CDCA5: variants seen among roughly 807,000 people sequenced by gnomAD.
The protein encoded by CDCA5 is sororin.
Under a neutral mutation model 25.7 loss-of-function variants are expected in CDCA5, and 14 were observed. The ratio of observed to expected loss-of-function variants is 0.54; its 90% CI spans 0.36 to 0.85. The LOEUF (loss-of-function observed/expected upper bound fraction) is 0.85, where lower values mean the gene tolerates loss of function less well. CDCA5 is among the 40% of genes least tolerant of loss of function. The pLI is 0.01. For synonymous variants in CDCA5, 127 were observed against 128.7 expected, an observed-to-expected ratio of 0.99 and a Z score of 0.09; for missense variants, 307 against 324.5, an observed-to-expected ratio of 0.95 and a Z score of 0.41.
chr11:65,065,414 A>G (rs1051642468), downstream of CDCA5, among the ~76,000 whole-genome samples: 19 of 152,030 alleles, frequency 1.2e-4, no homozygotes, highest in African/African-American at 4.1e-4. Context: ...CAGCCTCCCA[A>G]GTAGCTGGGA....
Position 65,078,236 on chromosome 11 carries a change from G to C in CDCA5, c.*871C>G. On this transcript the variant is annotated 3_prime_UTR_variant, in exon 6 of 6. Coordinates refer to ENST00000275517, the MANE Select transcript of CDCA5 (RefSeq NM_080668.4). ...ACTTATTTTGTAAGAAATGGGTATG[G>C]GTGACAAGAGGGGCCACCTTCCACC... The C allele has an allele frequency of 7.1e-6, 7 of 985,408 alleles. No homozygotes were observed. Among genetic ancestry groups the C allele is most frequent in the Non-Finnish European group, 8.4e-6 (7 of 829,978 alleles). 61.0% of individuals were successfully genotyped at this position (985,408 alleles called of 1,614,324 possible).
At chr11:65,080,437 C>T (rs1349215796) in intron 4 of CDCA5, among the ~76,000 whole-genome samples, 3 of 151,622 alleles carry the variant, frequency 2.0e-5, no homozygotes, top group East Asian at 3.9e-4. Context: ...TCCAGATAAA[C>T]GGTCTCAACT....
In CDCA5 at chr11:65,078,091, C is replaced by T. The variant is rs1947482104; in HGVS notation, c.*1016G>A. On this transcript the variant is annotated 3_prime_UTR_variant, in exon 6 of 6. Coordinates refer to ENST00000275517, the MANE Select transcript of CDCA5 (RefSeq NM_080668.4). Reference sequence around the variant, plus strand: ...GGCCAAAAACTAAAATTGCTATCAGCCCCCGCCGCTGTCTGGTACGCGAGG... The same window carrying T: ...GGCCAAAAACTAAAATTGCTATCAGTCCCCGCCGCTGTCTGGTACGCGAGG... 2 of 985,322 alleles carry T rather than the reference C, an allele frequency of 2.0e-6. No homozygotes were observed. Among genetic ancestry groups the T allele is most frequent in the Non-Finnish European group, 1.2e-6 (1 of 829,976 alleles). The allele number at this position is 985,322 out of a possible 1,614,324, so 61.0% of individuals were successfully genotyped here. A position where few individuals can be genotyped will look rare whatever the true frequency, so the allele number is the denominator to read the frequency against.
rs1000642684 is a variant in CDCA5 at position 65,078,371 on chromosome 11, C to T, written c.*736G>A. Reference sequence around the variant, plus strand: ...CTGGTGGCCACACCCTGAAATGCACCCTTTGCTCCAAGCAGCCAGCGCCCT... The same window carrying T: ...CTGGTGGCCACACCCTGAAATGCACTCTTTGCTCCAAGCAGCCAGCGCCCT... On this transcript the variant is annotated 3_prime_UTR_variant, in exon 6 of 6. Transcript: ENST00000275517. 5.1e-6 allele frequency: 5 copies of T among 985,846 alleles called. No homozygotes were observed. In the African/African-American group the frequency reaches 8.7e-5, roughly 17 times the overall value. The allele number at this position is 985,846 out of a possible 1,614,324, so 61.1% of individuals were successfully genotyped here.
chr11:65,065,865 A>G (rs962997060), downstream of CDCA5, among the ~76,000 whole-genome samples: 6 of 151,294 alleles, frequency 4.0e-5, no homozygotes, highest in Admixed American at 2.6e-4. Flanking sequence ...AGTTGCCACC[A>G]CCTCTCTCTG....
downstream of CDCA5, among the ~76,000 whole-genome samples, chr11:65,065,128 G>A (rs909493843): frequency 3.3e-5 from 5 of 152,106 alleles, no homozygotes; most frequent in Admixed American, 6.5e-5. Context: ...GAGGATTAAC[G>A]AAGGAATTCT....
downstream of CDCA5, among the ~76,000 whole-genome samples, chr11:65,064,792 G>A (rs937540231): frequency 4.6e-5 from 7 of 152,116 alleles, no homozygotes; most frequent in Non-Finnish European, 7.3e-5. Flanking sequence ...AGGCTGAGGC[G>A]GGAGGATTCT....
chr11:65,068,469 C>A (rs1408105782), intron 2 of CDCA5: 1 of 1,261,304 alleles, frequency 7.9e-7, no homozygotes, highest in Admixed American at 2.3e-5. Flanking sequence ...CCTTAGGAGG[C>A]CCTGGGGTTT....
chr11:65,078,913 G>A lies in CDCA5; in HGVS notation c.*194C>T, dbSNP rs1033587222. 2.5e-5 allele frequency: 31 copies of A among 1,253,814 alleles called. No individual in the cohort carries two copies. In the East Asian group the frequency reaches 4.6e-4, roughly 18 times the overall value. The allele number at this position is 1,253,814 out of a possible 1,614,324, so 77.7% of individuals were successfully genotyped here. On this transcript the variant is annotated 3_prime_UTR_variant, in exon 6 of 6. Coordinates refer to ENST00000275517, the MANE Select transcript of CDCA5 (RefSeq NM_080668.4). Reference sequence around the variant, plus strand: ...ACACCAGTGAGTGGCTGGGCCAGGCGGCCCCATTTCCTAAAACCAAGATGG... The same window carrying A: ...ACACCAGTGAGTGGCTGGGCCAGGCAGCCCCATTTCCTAAAACCAAGATGG...
At chr11:65,068,192 C>T (rs989669638) in intron 2 of CDCA5, 2 of 961,560 alleles carry the variant, frequency 2.1e-6, no homozygotes, top group African/African-American at 1.7e-5. Flanking sequence ...CCTCCCACAC[C>T]CCCCATCCTT....
Position 65,078,671 on chromosome 11 carries a change from A to G in CDCA5, c.*436T>C, listed in dbSNP as rs756000664. 1.2e-4 allele frequency: 121 copies of G among 996,710 alleles called. No homozygotes were observed. Among genetic ancestry groups the G allele is most frequent in the Non-Finnish European group, 1.4e-4 (120 of 838,036 alleles). The allele number at this position is 996,710 out of a possible 1,614,324, so 61.7% of individuals were successfully genotyped here. A position where few individuals can be genotyped will look rare whatever the true frequency, so the allele number is the denominator to read the frequency against. On this transcript the variant is annotated 3_prime_UTR_variant, in exon 6 of 6. Transcript: ENST00000275517. ...GGTTCAAGAAGAAAGCCACCAACAG[A>G]AGGCAACTCAGGAGGGAGAGGCCGA... is the stretch of plus-strand genomic sequence containing the variant.
chr11:65,076,580 G>A (rs992402594), downstream of CDCA5, among the ~76,000 whole-genome samples: 3 of 152,192 alleles, frequency 2.0e-5, no homozygotes, highest in Admixed American at 6.5e-5. Flanking sequence ...AGGTCAAAGC[G>A]GATTAAGTCT....
intron 3 of CDCA5, chr11:65,067,852 G>T: frequency 3.4e-6 from 3 of 887,204 alleles, no homozygotes; most frequent in Non-Finnish European, 4.8e-6. Context: ...CCCGGCTTCA[G>T]CAGGCCTCTC....
intron 4 of CDCA5, 130 bp downstream of exon 4, chr11:65,083,234 T>A: frequency 1.0e-6 from 1 of 982,886 alleles, no homozygotes; most frequent in Non-Finnish European, 1.6e-6. Flanking sequence ...TGCATGCAGG[T>A]GCCCACAGGC....
intron 5 of CDCA5, chr11:65,066,723 C>CA (rs1565264385): frequency 7.8e-7 from 1 of 1,286,476 alleles, no homozygotes; most frequent in Non-Finnish European, 1.0e-6. Context: ...GCCAGCCATG[C>CA]AGGACAACCC....
rs1342369350 is a variant in CDCA5 at position 65,079,776 on chromosome 11, G to A, written c.255C>T (p.Phe85=). The A allele has an allele frequency of 4.1e-6, 6 of 1,471,914 alleles. No homozygotes were observed. In the East Asian group the frequency reaches 1.2e-4, roughly 30 times the overall value. The allele number at this position is 1,471,914 out of a possible 1,614,324, so 91.2% of individuals were successfully genotyped here. A position where few individuals can be genotyped will look rare whatever the true frequency, so the allele number is the denominator to read the frequency against. The change falls in exon 5 of 6, where the codon TTC becomes TTT. Residue 85 remains phenylalanine (F), a synonymous_variant. Coordinates refer to ENST00000275517, the MANE Select transcript of CDCA5 (RefSeq NM_080668.4). ...SPRRSPRISF[F]LEKENEPPGR... ...CAGGGGGCTCGTTTTCTTTCTCCAA[G>A]AAAAAGGAAATCTGCACCAGGACAG...
downstream of CDCA5, among the ~76,000 whole-genome samples, chr11:65,074,371 C>A (rs1947398749): frequency 6.6e-6 from 1 of 152,182 alleles, no homozygotes; most frequent in Non-Finnish European, 1.5e-5. Context: ...CCGCGCCTGG[C>A]CCAATTTCCT....
exon 6 of CDCA5, chr11:65,066,646 C>G (rs535434792): frequency 7.8e-7 from 1 of 1,289,248 alleles, no homozygotes; most frequent in East Asian, 5.5e-5. Flanking sequence ...ATGGCCTGGG[C>G]TCCCTCCTTC....
intron 4 of CDCA5, among the ~76,000 whole-genome samples, chr11:65,080,642 C>T (rs145631845): frequency 6.5e-4 from 99 of 152,176 alleles, no homozygotes; most frequent in Middle Eastern, 3.4e-3. Flanking sequence ...CTGGTCCCAG[C>T]GACCTTCTGA....
Sources: allele counts gnomAD v4.1 joint callset (sites outside exome capture counted in the v4.1 genomes callset), GRCh38; gene constraint gnomAD v4.1.1; transcripts MANE v1.5; gene names NCBI Gene and HGNC (gene_info 2026-07-23, HGNC 2026-07-21).